Variants in RMI1 observed in about 807,000 individuals in gnomAD.
The protein encoded by RMI1 is RecQ mediated genome instability 1.
A neutral mutation model predicts 46.7 loss-of-function variants in RMI1; 36 were observed. The ratio of observed to expected loss-of-function variants is 0.77; its 90% confidence interval spans 0.59 to 1.02. The LOEUF (loss-of-function observed/expected upper bound fraction) is 1.02, where lower values mean the gene tolerates loss of function less well. Among genes scored for constraint, RMI1 ranks in the 50% least tolerant of loss-of-function variants. RMI1 has a pLI of 0.00. For synonymous variants in RMI1, 250 were observed against 252.9 expected, an observed-to-expected ratio of 0.99 and a Z score of 0.11; for missense variants, 676 against 713.7, an observed-to-expected ratio of 0.95 and a Z score of 0.60.
At chr9:83,988,378 A>G (rs1957522722) in intron 1 of RMI1, among the ~76,000 whole-genome samples, 1 of 152,102 alleles carries the variant, frequency 6.6e-6, no homozygotes, top group South Asian at 2.1e-4. Context: ...ATCACATCTC[A>G]CTGCAGCCTT....
At chr9:83,988,694 T>A (rs1318760613) in intron 1 of RMI1, among the ~76,000 whole-genome samples, 1 of 152,238 alleles carries the variant, frequency 6.6e-6, no homozygotes, top group East Asian at 1.9e-4. Flanking sequence ...ATTCTAGTAC[T>A]TGGTATTGTC....
intron 1 of RMI1, among the ~76,000 whole-genome samples, chr9:83,990,193 T>A (rs1588462560): frequency 6.6e-6 from 1 of 151,920 alleles, no homozygotes; most frequent in Non-Finnish European, 1.5e-5. Flanking sequence ...GGGCAAAGGG[T>A]AGGAAGACAG....
rs376405353 is a variant in RMI1, at chr9:84,001,836, A to G, written c.850A>G (p.Ser284Gly). ...SSNTIPTRQS[S>G]FEPEFVISPR... is the part of the protein sequence containing the mutation. ...AAATACCATTCCCACAAGACAGTCA[A>G]GTTTTGAGCCAGAATTTGTTATTTC... The change falls in exon 3 of 3, where the codon AGT becomes GGT. Residue 284 changes from serine (S) to glycine (G), a missense_variant. Coordinates refer to ENST00000445877, the MANE Select transcript of RMI1 (RefSeq NM_001358291.2). The G allele has an allele frequency of 6.2e-4, 1,006 of 1,614,068 alleles. 8 individuals carry two copies. The South Asian group carries it at 0.01, about 16-fold the overall frequency.
Position 83,995,520 on chromosome 9 carries a change from C to T in RMI1, c.-125-4189C>T, listed in dbSNP as rs148407370. Among the ~76,000 whole-genome samples the T allele has an allele frequency of 5.9e-3, 891 of 151,926 alleles. 8 individuals are homozygous for T. The highest frequency in any genetic ancestry group is 0.02 in the African/African-American group (847 of 41,420). On this transcript the variant is annotated intron_variant, in intron 1 of 2. Transcript: ENST00000445877. Reference sequence around the variant, plus strand: ...TCAGATCACTGCAACCTCCGCCTCCCGGGTTCAAGCAATTCTTCTGTCTCA... The same window carrying T: ...TCAGATCACTGCAACCTCCGCCTCCTGGGTTCAAGCAATTCTTCTGTCTCA...
At chr9:83,982,817 C>T (rs1957439206) in intron 1 of RMI1, among the ~76,000 whole-genome samples, 2 of 152,036 alleles carry the variant, frequency 1.3e-5, no homozygotes, top group African/African-American at 4.8e-5. Context: ...TTCTTTACGT[C>T]TTTTTAATTT....
At position 84,000,975 on chromosome 9, in the gene RMI1, T is replaced by G; in HGVS notation, c.-12T>G. The G allele has an allele frequency of 6.4e-7, 1 of 1,556,018 alleles. No homozygotes were observed. The highest frequency in any genetic ancestry group is 8.7e-7 in the Non-Finnish European group (1 of 1,155,424). ...GGTAATAGATGCATATTATTTCTTT[T>G]ATTTAAAAGAAATGAATGTGACTAG... On this transcript the variant is annotated 5_prime_UTR_variant, in exon 3 of 3. Transcript: ENST00000445877.
At position 83,993,279 on chromosome 9, in the gene RMI1, C is replaced by T. The variant is rs143602496; in HGVS notation, c.-125-6430C>T. Among the ~76,000 whole-genome samples the T allele has an allele frequency of 3.1e-3, 474 of 152,246 alleles. 2 individuals are homozygous for T. Among genetic ancestry groups the T allele is most frequent in the African/African-American group, 0.01 (432 of 41,542 alleles). ...GTCCTTTTGTGATTGGCTTATTTTA[C>T]TTAGCATAATGTCCTCAAGGTTAAT... On this transcript the variant is annotated intron_variant, in intron 1 of 2. Transcript: ENST00000445877.
intron 1 of RMI1, among the ~76,000 whole-genome samples, chr9:83,985,902 G>A (rs534999490): frequency 5.3e-5 from 8 of 152,276 alleles, no homozygotes; most frequent in Admixed American, 3.9e-4. Flanking sequence ...CCAGCTACTT[G>A]GGAGGCTGAG....
rs371827414 is a variant in RMI1 at position 84,001,666 on chromosome 9, A to G, written c.680A>G (p.Glu227Gly). 1 of 1,613,998 alleles carries G rather than the reference A, an allele frequency of 6.2e-7. No individual in the cohort carries two copies. Among genetic ancestry groups the G allele is most frequent in the South Asian group, 1.1e-5 (1 of 91,076 alleles). The change falls in exon 3 of 3, where the codon GAA (glutamate) becomes GGA (glycine). Residue 227 changes from glutamate (E) to glycine (G), a missense_variant. By Grantham distance (98) the Glu-to-Gly change is moderately conservative. Coordinates refer to ENST00000445877, the MANE Select transcript of RMI1 (RefSeq NM_001358291.2). ...TCAGTCATACCAAACAATTCTAACGAAAACATTCCCAGAGTTACAGATGTT... is the reference window on the plus strand; with the variant it reads ...TCAGTCATACCAAACAATTCTAACGGAAACATTCCCAGAGTTACAGATGTT... ...VVSVIPNNSNENIPRVTDVLD... is the reference protein window; with the variant it reads ...VVSVIPNNSNGNIPRVTDVLD...
chr9:84,001,459 A>G lies in RMI1; in HGVS notation c.473A>G (p.His158Arg). Reference sequence around the variant, plus strand: ...GAATATCAGCCTATTCCAATTCTTCATAGTGATCTTCCTCCAGGTACAAAA... The same window carrying G: ...GAATATCAGCCTATTCCAATTCTTCGTAGTGATCTTCCTCCAGGTACAAAA... ...GMEYQPIPIL[H>R]SDLPPGTKIL... Residue 158 changes from histidine (H) to arginine (R), a missense_variant, in exon 3 of 3, where the codon CAT (histidine) becomes CGT (arginine). Coordinates refer to ENST00000445877, the MANE Select transcript of RMI1 (RefSeq NM_001358291.2). 2 of 1,614,102 alleles carry G rather than the reference A, an allele frequency of 1.2e-6. No individual in the cohort carries two copies.
chr9:83,992,565 T>G (rs1324441761), intron 1 of RMI1, among the ~76,000 whole-genome samples: 2 of 152,222 alleles, frequency 1.3e-5, no homozygotes, highest in African/African-American at 2.4e-5. Context: ...AATATCACTT[T>G]GACCTCAGCT....
rs201326789 is a variant in RMI1, at chr9:84,001,301, G to A, written c.315G>A (p.Lys105=). The part of the protein sequence containing the change: ...VSQPAYSQIQ[K]LRGKNTTNDL... ...AGCCTGCATACTCCCAGATACAGAA[G>A]TTGAGAGGAAAGAATACAACAAATG... Residue 105 remains lysine (K), a synonymous_variant, in exon 3 of 3, where the codon AAG becomes AAA. Coordinates refer to ENST00000445877, the MANE Select transcript of RMI1 (RefSeq NM_001358291.2). 5.6e-6 allele frequency: 9 copies of A among 1,614,134 alleles called. No homozygotes were observed. The East Asian group carries it at 2.0e-4, about 36-fold the overall frequency.
intron 1 of RMI1, among the ~76,000 whole-genome samples, chr9:83,984,081 T>C (rs1477625770): frequency 6.6e-6 from 1 of 152,162 alleles, no homozygotes; most frequent in Non-Finnish European, 1.5e-5. Context: ...TTGTTACTTA[T>C]TGATGCATAA....
intron 1 of RMI1, among the ~76,000 whole-genome samples, chr9:83,986,705 A>C (rs984901768): frequency 6.6e-6 from 1 of 152,238 alleles, no homozygotes; most frequent in Non-Finnish European, 1.5e-5. Flanking sequence ...TATTTTCAGC[A>C]AAGTCTTCAC....
chr9:84,003,647 A>G lies in RMI1; in HGVS notation c.*783A>G, dbSNP rs1474293746. On this transcript the variant is annotated 3_prime_UTR_variant, in exon 3 of 3. Transcript: ENST00000445877. ...CAGGCTTTCAGATACAAATTGATTT[A>G]CTGGTTTTTATTTTGCTGATTATAA... 1 of 166,404 alleles carries G rather than the reference A, an allele frequency of 6.0e-6. No homozygotes were observed. Among genetic ancestry groups the G allele is most frequent in the Non-Finnish European group, 1.5e-5 (1 of 68,106 alleles). The allele number at this position is 166,404 out of a possible 1,614,324, so 10.3% of individuals were successfully genotyped here.
chr9:83,985,150 TTATAATATA>T (rs1957471677), intron 1 of RMI1, among the ~76,000 whole-genome samples: 2 of 152,226 alleles, frequency 1.3e-5, no homozygotes, highest in Admixed American at 6.5e-5. Context: ...AGTCTAAACT[TTATAATATA>T]GATCTTACAT....
chr9:83,980,605 C>T (rs1166962466), upstream of RMI1: 3 of 153,150 alleles, frequency 2.0e-5, no homozygotes, highest in South Asian at 2.1e-4. Flanking sequence ...GGAGCGCCCT[C>T]CTCCTTTCTC....
rs950307806 is a variant in RMI1, at chr9:84,002,802, C to T, written c.1816C>T (p.Leu606=). The T allele has an allele frequency of 1.5e-5, 24 of 1,605,526 alleles. No homozygotes were observed. The highest frequency in any genetic ancestry group is 2.0e-5 in the Non-Finnish European group (24 of 1,173,136). ...TCCTTCCTTGTCTAAAGCAATGGTA[C>T]TGGCATTACAAGATGTTAATATGGA... is the stretch of plus-strand genomic sequence containing the variant. ...FNPSLSKAMV[L]ALQDVNMEHL... Residue 606 remains leucine (L), a synonymous_variant, in exon 3 of 3, where the codon CTG becomes TTG. Transcript: ENST00000445877.
intron 1 of RMI1, chr9:83,992,959 A>G (rs1394811603): frequency 6.6e-6 from 1 of 152,184 alleles, no homozygotes; most frequent in Non-Finnish European, 1.5e-5. Flanking sequence ...TGATGTTTAC[A>G]ACTAATTGAT....
Sources: allele counts gnomAD v4.1 joint callset (sites outside exome capture counted in the v4.1 genomes callset), GRCh38; gene constraint gnomAD v4.1.1; transcripts MANE v1.5; gene names NCBI Gene and HGNC (gene_info 2026-07-23, HGNC 2026-07-21).